Variants in ADCY2 observed in about 807,000 individuals in gnomAD.
ADCY2 encodes the protein adenylate cyclase 2.
Under a neutral mutation model 125.2 loss-of-function variants are expected in ADCY2, and 31 were observed. That is an observed-to-expected ratio of 0.25 (90% CI 0.19 to 0.33). The LOEUF (loss-of-function observed/expected upper bound fraction) is 0.33. Among genes scored for constraint, ADCY2 ranks in the 10% least tolerant of loss-of-function variants. The pLI is 1.00. For missense variants in ADCY2, 904 were observed against 1,418.2 expected (o/e 0.64, Z 5.82); for synonymous variants, 512 against 548.4 (o/e 0.93, Z 0.93).
chr5:7,535,201 C>T (rs1734777150), intron 3 of ADCY2, among the ~76,000 whole-genome samples: 1 of 152,148 alleles, frequency 6.6e-6, no homozygotes. Context: ...CCACCACGCC[C>T]AGCTAATTTT....
In ADCY2 at chr5:7,737,768, C is replaced by T. The variant is rs149011832; in HGVS notation, c.1872-5900C>T. 4.4e-3 allele frequency among the ~76,000 whole-genome samples: 671 copies of T among 152,028 alleles called. 6 individuals are homozygous for T. The highest frequency in any genetic ancestry group is 0.015 in the African/African-American group (612 of 41,484). On this transcript the variant is annotated intron_variant, in intron 14 of 24. Transcript: ENST00000338316. ...CATATTATAGTCACACTTCTGGAAA[C>T]CAGAAAAAAGAAAAACATTAAATGC...
intron 3 of ADCY2, among the ~76,000 whole-genome samples, chr5:7,606,876 A>G (rs556994408): frequency 8.5e-5 from 13 of 152,328 alleles, no homozygotes; most frequent in Non-Finnish European, 1.5e-4. Context: ...AGGAAAATCT[A>G]TCCTCCCAAG....
At chr5:7,816,291 C>G (rs902065022) in intron 22 of ADCY2, among the ~76,000 whole-genome samples, 22 of 152,322 alleles carry the variant, frequency 1.4e-4, no homozygotes, top group African/African-American at 4.6e-4. Context: ...CCACCCGGGG[C>G]AGTAGCCCTT....
At chr5:7,760,189 G>A (rs1278948880) in intron 16 of ADCY2, among the ~76,000 whole-genome samples, 1 of 152,260 alleles carries the variant, frequency 6.6e-6, no homozygotes, top group Non-Finnish European at 1.5e-5. Context: ...GATGCCAGAA[G>A]CATGAGTGTG....
At chr5:7,426,815 C>G (rs1740405224) in intron 2 of ADCY2, among the ~76,000 whole-genome samples, 1 of 152,100 alleles carries the variant, frequency 6.6e-6, no homozygotes, top group South Asian at 2.1e-4. Flanking sequence ...GGTCATGGCT[C>G]CTTTTGCCAT....
chr5:7,731,273 T>C (rs1742096445), intron 14 of ADCY2, among the ~76,000 whole-genome samples: 1 of 149,734 alleles, frequency 6.7e-6, no homozygotes, highest in South Asian at 2.1e-4. Context: ...TTTTTTTTGA[T>C]GGAGTCTTGC....
chr5:7,582,989 A>G (rs1402048652), intron 3 of ADCY2, among the ~76,000 whole-genome samples: 2 of 152,150 alleles, frequency 1.3e-5, no homozygotes, highest in East Asian at 1.9e-4. Context: ...TTAATATGCA[A>G]GTGTAGCAAG....
chr5:7,488,004 GA>G (rs1743005002), intron 2 of ADCY2, among the ~76,000 whole-genome samples: 1 of 152,010 alleles, frequency 6.6e-6, no homozygotes. Context: ...TGAAAGGAAA[GA>G]AAAAAACATT....
intron 2 of ADCY2, among the ~76,000 whole-genome samples, chr5:7,491,706 T>C (rs1743171159): frequency 6.6e-6 from 1 of 152,176 alleles, no homozygotes; most frequent in African/African-American, 2.4e-5. Flanking sequence ...ATATAAGTTA[T>C]AGCCCCTAAC....
chr5:7,612,506 G>A (rs1232535766), intron 3 of ADCY2, among the ~76,000 whole-genome samples: 5 of 152,178 alleles, frequency 3.3e-5, no homozygotes, highest in Admixed American at 3.3e-4. Context: ...GTGAGGCCTT[G>A]CCACAGTCTG....
At chr5:7,505,460 C>T (rs1026386833) in intron 2 of ADCY2, among the ~76,000 whole-genome samples, 3 of 152,106 alleles carry the variant, frequency 2.0e-5, no homozygotes, top group African/African-American at 7.2e-5. Flanking sequence ...CATTAGAGGC[C>T]CAGTTTGCAC....
rs552655919 is a variant in ADCY2 at position 7,497,535 on chromosome 5, C to T, written c.409-23203C>T. Among the ~76,000 whole-genome samples the T allele has an allele frequency of 3.3e-5, 5 of 152,170 alleles. No individual in the cohort carries two copies. The South Asian group carries it at 1.0e-3, about 32-fold the overall frequency. ...GCCTCATAATCTAAATTTTTTCACA[C>T]ATCCCTCCAAAAAAATTGCATCAAT... On this transcript the variant is annotated intron_variant, in intron 2 of 24. Transcript: ENST00000338316.
intron 2 of ADCY2, among the ~76,000 whole-genome samples, chr5:7,454,529 T>C (rs1741599391): frequency 2.6e-5 from 4 of 152,222 alleles, no homozygotes; most frequent in Admixed American, 2.6e-4. Context: ...TCTTGCTGCC[T>C]CTTCCAAATA....
chr5:7,516,372 C>T (rs928244722), intron 2 of ADCY2, among the ~76,000 whole-genome samples: 4 of 152,120 alleles, frequency 2.6e-5, no homozygotes, highest in Non-Finnish European at 5.9e-5. Context: ...GTGTGTGTTT[C>T]TGTAAACTTG....
intron 2 of ADCY2, among the ~76,000 whole-genome samples, chr5:7,463,821 T>A (rs192442329): frequency 6.6e-6 from 1 of 152,172 alleles, no homozygotes; most frequent in Admixed American, 6.5e-5. Flanking sequence ...GTTTCAAAGG[T>A]GGGATAGGAT....
chr5:7,666,485 G>A (rs1012692458), intron 4 of ADCY2, among the ~76,000 whole-genome samples: 2 of 151,832 alleles, frequency 1.3e-5, no homozygotes, highest in Non-Finnish European at 2.9e-5. Flanking sequence ...AGTCAGGATG[G>A]TCTCGATCTC....
In ADCY2 at chr5:7,826,984, C is replaced by A. The variant is rs979627626; in HGVS notation, c.*113C>A. The A allele has an allele frequency of 1.5e-6, 2 of 1,306,344 alleles. No individual in the cohort carries two copies. Among genetic ancestry groups the A allele is most frequent in the Non-Finnish European group, 2.1e-6 (2 of 955,378 alleles). 80.9% of individuals were successfully genotyped at this position (1,306,344 alleles called of 1,614,324 possible). On this transcript the variant is annotated 3_prime_UTR_variant, in exon 25 of 25. Transcript: ENST00000338316. ...TGTGCGTGCTGTCTGTCCTATGGAGCCTCTGCAGACTCGTTCTCGTGACCC... is the reference window on the plus strand; with the variant it reads ...TGTGCGTGCTGTCTGTCCTATGGAGACTCTGCAGACTCGTTCTCGTGACCC...
chr5:7,640,379 C>T lies in ADCY2; in HGVS notation c.720+14063C>T, dbSNP rs571103836. Among the ~76,000 whole-genome samples the T allele has an allele frequency of 3.9e-5, 6 of 152,138 alleles. No individual in the cohort carries two copies. The South Asian group carries it at 1.2e-3, about 32-fold the overall frequency. ...GACATAACACTTTTATATGAGTGGGCCTCTTGAAAAGATATGAGTGGAATT... is the reference window on the plus strand; with the variant it reads ...GACATAACACTTTTATATGAGTGGGTCTCTTGAAAAGATATGAGTGGAATT... On this transcript the variant is annotated intron_variant, in intron 4 of 24. Coordinates refer to ENST00000338316, the MANE Select transcript of ADCY2 (RefSeq NM_020546.3).
chr5:7,614,418 T>C (rs1379823259), intron 3 of ADCY2, among the ~76,000 whole-genome samples: 1 of 152,142 alleles, frequency 6.6e-6, no homozygotes, highest in Non-Finnish European at 1.5e-5. Context: ...ATTCCCAAAA[T>C]GGTAGCTTCA....
Sources: gnomAD v4.1 joint callset for allele counts (sites outside exome capture counted in the v4.1 genomes callset) on GRCh38, gnomAD v4.1.1 for gene constraint, MANE v1.5 for transcripts, NCBI Gene and HGNC (gene_info 2026-07-23, HGNC 2026-07-21) for gene names.